The following MALRD1 variants were observed in gnomAD, a reference collection of about 807,000 sequenced individuals.
MALRD1 encodes the protein MAM and LDL receptor class A domain containing 1.
MALRD1 carries 247 observed loss-of-function variants against 242.1 expected under a neutral mutation model. The observed-to-expected ratio is 1.02, with a 90% CI of 0.92 to 1.13. The LOEUF (loss-of-function observed/expected upper bound fraction) is 1.13, where lower values mean the gene tolerates loss of function less well. Among genes scored for constraint, MALRD1 ranks in the 50% most tolerant of loss-of-function variants. MALRD1 has a pLI of 0.00. For synonymous variants in MALRD1, 995 were observed against 866.6 expected, an observed-to-expected ratio of 1.15 and a Z score of -2.60; for missense variants, 2,989 against 2,533.1, an observed-to-expected ratio of 1.18 and a Z score of -3.86.
At chr10:19,205,767 C>T (rs1018963131) in intron 17 of MALRD1, among the ~76,000 whole-genome samples, 1 of 151,766 alleles carries the variant, frequency 6.6e-6, no homozygotes, top group Non-Finnish European at 1.5e-5. Flanking sequence ...GAAAGAGGGC[C>T]CAAAATATAA....
At chr10:19,701,654 C>T (rs928477005) in intron 38 of MALRD1, among the ~76,000 whole-genome samples, 3 of 151,648 alleles carry the variant, frequency 2.0e-5, no homozygotes, top group Non-Finnish European at 4.4e-5. Flanking sequence ...TACCAAGTTT[C>T]TGTATTTCTC....
chr10:19,278,228 C>A (rs751592121), intron 19 of MALRD1, among the ~76,000 whole-genome samples: 4 of 152,170 alleles, frequency 2.6e-5, no homozygotes, highest in African/African-American at 9.7e-5. Flanking sequence ...TCCATGCATT[C>A]ACACAAGTTT....
intron 26 of MALRD1, among the ~76,000 whole-genome samples, chr10:19,369,588 TATAAATATAGCCGC>T (rs1421062476): frequency 4.0e-5 from 6 of 149,368 alleles, no homozygotes; most frequent in Non-Finnish European, 7.4e-5. Flanking sequence ...AATATATCCA[TATAAATATAGCCGC>T]ATAAATATAT....
chr10:19,070,099 G>A (rs1240612736), intron 2 of MALRD1, among the ~76,000 whole-genome samples: 3 of 152,012 alleles, frequency 2.0e-5, no homozygotes, highest in Non-Finnish European at 2.9e-5. Context: ...TTCAAGTTCT[G>A]TGATTTTTTT....
intron 29 of MALRD1, among the ~76,000 whole-genome samples, chr10:19,466,860 A>G (rs950297495): frequency 6.6e-6 from 1 of 152,168 alleles, no homozygotes; most frequent in African/African-American, 2.4e-5. Flanking sequence ...TATATGACCC[A>G]TCACATGAAA....
chr10:19,154,254 G>A (rs1437449958), intron 11 of MALRD1, among the ~76,000 whole-genome samples: 2 of 152,182 alleles, frequency 1.3e-5, no homozygotes, highest in Non-Finnish European at 2.9e-5. Flanking sequence ...ATGTGATGGA[G>A]TCTATAAAAT....
At chr10:19,137,349 T>A (rs1022753333) in intron 10 of MALRD1, among the ~76,000 whole-genome samples, 1 of 152,044 alleles carries the variant, frequency 6.6e-6, no homozygotes, top group South Asian at 2.1e-4. Flanking sequence ...CTCACACCTG[T>A]AATCCCAGCA....
chr10:19,054,347 T>A (rs749707960), intron 1 of MALRD1, among the ~76,000 whole-genome samples: 14 of 152,174 alleles, frequency 9.2e-5, no homozygotes, highest in Non-Finnish European at 2.1e-4. Flanking sequence ...AGCAAAGTAA[T>A]CCATTGCTTT....
chr10:19,204,953 A>C lies in MALRD1; in HGVS notation c.2266A>C (p.Asn756His). 6.4e-7 allele frequency: 1 copy of C among 1,550,504 alleles called. No homozygotes were observed. The highest frequency in any genetic ancestry group is 8.7e-7 in the Non-Finnish European group (1 of 1,146,852). ...GAAELQLHME[N>H]SHDSTVIWRV... is the part of the protein sequence containing the mutation. ...AGCTGAGCTGCAGCTACATATGGAA[A>C]ATTCTCATGACTCAACAGTGATTTG... is the stretch of plus-strand genomic sequence containing the variant. Residue 756 changes from asparagine (N) to histidine (H), a missense_variant, in exon 17 of 40, where the codon AAT becomes CAT. Asn to His is a moderately conservative substitution (Grantham distance 68). Coordinates refer to ENST00000454679, the MANE Select transcript of MALRD1 (RefSeq NM_001142308.3).
intron 28 of MALRD1, among the ~76,000 whole-genome samples, chr10:19,446,010 CT>C (rs1275034971): frequency 6.6e-6 from 1 of 152,138 alleles, no homozygotes; most frequent in African/African-American, 2.4e-5. Flanking sequence ...GATGCCCCTC[CT>C]TCAGCCTCTC....
chr10:19,650,284 A>C (rs866261150), intron 36 of MALRD1, among the ~76,000 whole-genome samples: 48 of 152,348 alleles, frequency 3.2e-4, no homozygotes, highest in African/African-American at 1.1e-3. Flanking sequence ...CTGAAAGCGA[A>C]CATGAAATAC....
chr10:19,305,156 T>C (rs766004517), intron 21 of MALRD1, among the ~76,000 whole-genome samples: 1 of 151,696 alleles, frequency 6.6e-6, no homozygotes, highest in Non-Finnish European at 1.5e-5. Context: ...ATACGGAGTC[T>C]TGTTCAGAAA....
chr10:19,182,649 T>G (rs1050340271), intron 14 of MALRD1, among the ~76,000 whole-genome samples: 4 of 152,078 alleles, frequency 2.6e-5, no homozygotes, highest in African/African-American at 9.7e-5. Flanking sequence ...CGTTCTTAAC[T>G]GCAAATCGTA....
At position 19,734,159 on chromosome 10, in the gene MALRD1, TTCTG is replaced by T; in HGVS notation, c.6397_6400del (p.Val2133IlefsTer77). 1 of 1,531,904 alleles carries T rather than the reference TTCTG, an allele frequency of 6.5e-7. No homozygotes were observed. Among genetic ancestry groups the T allele is most frequent in the Non-Finnish European group, 8.7e-7 (1 of 1,145,518 alleles). 94.9% of individuals were successfully genotyped at this position (1,531,904 alleles called of 1,614,324 possible). On this transcript the variant is annotated frameshift_variant, in exon 40 of 40. Transcript: ENST00000454679. LOFTEE classifies it high-confidence loss of function. ...TCAAATGTGTTTTTCTTCGTCAGAGTTCTGTCTATTCCTTCTCAAACCCATTATA... is the reference window on the plus strand; with the variant it reads ...TCAAATGTGTTTTTCTTCGTCAGAGTTCTATTCCTTCTCAAACCCATTATA...
chr10:19,234,320 A>G (rs914383016), intron 18 of MALRD1, among the ~76,000 whole-genome samples: 3 of 151,984 alleles, frequency 2.0e-5, no homozygotes, highest in Non-Finnish European at 4.4e-5. Context: ...TCTTAAAAAT[A>G]CTCTCATCTT....
At position 19,595,358 on chromosome 10, in the gene MALRD1, A is replaced by C; in HGVS notation, c.5845A>C (p.Asn1949His). Residue 1949 changes from asparagine (N) to histidine (H), a missense_variant, in exon 34 of 40, where the codon AAC (asparagine) becomes CAC (histidine). Asn to His is a moderately conservative substitution (Grantham distance 68, BLOSUM62 1). Coordinates refer to ENST00000454679, the MANE Select transcript of MALRD1 (RefSeq NM_001142308.3). ...PLSPTPPLCS[N>H]MEFPCSTDEC... The stretch of plus-strand genomic sequence containing the variant: ...CAGCCCCACCCCTCCACTCTGTAGT[A>C]ACATGGAGTTCCCGTGCTCTACAGA... 1 of 1,550,728 alleles carries C rather than the reference A, an allele frequency of 6.4e-7. No individual in the cohort carries two copies. Among genetic ancestry groups the C allele is most frequent in the Non-Finnish European group, 8.7e-7 (1 of 1,146,970 alleles).
chr10:19,491,963 A>T (rs1467950562), intron 30 of MALRD1, among the ~76,000 whole-genome samples: 1 of 151,772 alleles, frequency 6.6e-6, no homozygotes, highest in Non-Finnish European at 1.5e-5. Flanking sequence ...GAACTGCAGT[A>T]GCAATCTGCC....
intron 29 of MALRD1, among the ~76,000 whole-genome samples, chr10:19,456,905 C>A (rs957498860): frequency 1.3e-5 from 2 of 151,478 alleles, no homozygotes; most frequent in Non-Finnish European, 2.9e-5. Context: ...CGTGAGTAGC[C>A]GGGATTACAG....
chr10:19,550,536 C>G (rs1362424105), intron 32 of MALRD1, among the ~76,000 whole-genome samples: 1 of 152,054 alleles, frequency 6.6e-6, no homozygotes, highest in Non-Finnish European at 1.5e-5. Flanking sequence ...GTGGGTTCCC[C>G]TCTATGTGTC....
Sources: gnomAD v4.1 joint callset for allele counts (sites outside exome capture counted in the v4.1 genomes callset) on GRCh38, gnomAD v4.1.1 for gene constraint, MANE v1.5 for transcripts, NCBI Gene and HGNC (gene_info 2026-07-23, HGNC 2026-07-21) for gene names.